GSK3B: variants seen among roughly 807,000 people sequenced by gnomAD.
The protein encoded by GSK3B is glycogen synthase kinase-3 beta.
GSK3B carries 15 observed loss-of-function variants against 56.4 expected under a neutral mutation model. The observed-to-expected ratio is 0.27, with a 90% CI of 0.18 to 0.41. The LOEUF (loss-of-function observed/expected upper bound fraction) is 0.41. GSK3B is among the 10% of genes least tolerant of loss of function. The pLI, the probability that GSK3B is intolerant of heterozygous loss-of-function variation, is 1.00. For missense variants in GSK3B, 300 were observed against 513.4 expected (o/e 0.58, Z 4.02); for synonymous variants, 181 against 188.9 (o/e 0.96, Z 0.34).
intron 7 of GSK3B, among the ~76,000 whole-genome samples, chr3:119,902,257 T>C (rs11929468): frequency 0.02 from 3,030 of 152,262 alleles, 92 homozygotes; most frequent in African/African-American, 0.067. Context: ...CTAGAATAGC[T>C]AGATCAGCAT....
chr3:119,938,776 A>G (rs549060823), intron 3 of GSK3B, among the ~76,000 whole-genome samples: 1 of 152,198 alleles, frequency 6.6e-6, no homozygotes, highest in Admixed American at 6.5e-5. Flanking sequence ...TAATACCTAT[A>G]ATAAATCTTA....
intron 2 of GSK3B, among the ~76,000 whole-genome samples, chr3:119,951,612 T>C (rs577093613): frequency 6.6e-6 from 1 of 152,140 alleles, no homozygotes; most frequent in South Asian, 2.1e-4. Flanking sequence ...TATTATATAA[T>C]ATGTTCAATT....
chr3:119,929,210 C>G (rs1034042270), intron 3 of GSK3B, among the ~76,000 whole-genome samples: 2 of 152,016 alleles, frequency 1.3e-5, no homozygotes, highest in Admixed American at 6.6e-5. Context: ...ATAAAGAGAA[C>G]AAATTAACAG....
intron 9 of GSK3B, among the ~76,000 whole-genome samples, chr3:119,851,013 T>G (rs1353163292): frequency 6.6e-6 from 1 of 152,010 alleles, no homozygotes; most frequent in Non-Finnish European, 1.5e-5. Context: ...TTAGAAAAAT[T>G]AATGTGATAA....
At chr3:119,922,732 T>C (rs1332093941) in intron 4 of GSK3B, among the ~76,000 whole-genome samples, 1 of 152,046 alleles carries the variant, frequency 6.6e-6, no homozygotes, top group Non-Finnish European at 1.5e-5. Context: ...TGTATTTAGA[T>C]ATGTGAACTT....
At chr3:119,837,711 T>G (rs958326348) in intron 10 of GSK3B, among the ~76,000 whole-genome samples, 6 of 151,846 alleles carry the variant, frequency 4.0e-5, no homozygotes, top group Non-Finnish European at 8.8e-5. Flanking sequence ...CATCTCACAT[T>G]CAACTCATCT....
At chr3:119,900,541 T>C (rs2056614599) in intron 7 of GSK3B, among the ~76,000 whole-genome samples, 1 of 152,082 alleles carries the variant, frequency 6.6e-6, no homozygotes, top group African/African-American at 2.4e-5. Flanking sequence ...AGGGGAGAAA[T>C]TATTAGTAAA....
rs1302726527 is a variant in GSK3B at position 119,983,134 on chromosome 3, C to T, written c.282+18912G>A. Reference sequence around the variant, plus strand: ...TTCATAAGTGAAGGAGAAATAAAATCCTTTACAGACAAGCAAATGCTGAGA... The same window carrying T: ...TTCATAAGTGAAGGAGAAATAAAATTCTTTACAGACAAGCAAATGCTGAGA... On this transcript the variant is annotated intron_variant, in intron 2 of 10. Transcript: ENST00000264235. Among the ~76,000 whole-genome samples, 8 of 152,166 alleles carry T rather than the reference C, an allele frequency of 5.3e-5. No individual in the cohort carries two copies. In the East Asian group the frequency reaches 1.5e-3, roughly 29 times the overall value.
At position 119,945,100 on chromosome 3, in the gene GSK3B, A is replaced by G. The variant is rs182763037; in HGVS notation, c.366+2168T>C. 1.7e-3 allele frequency among the ~76,000 whole-genome samples: 263 copies of G among 152,332 alleles called. 6 individuals carry two copies. In the South Asian group the frequency reaches 0.025, roughly 14 times the overall value. On this transcript the variant is annotated intron_variant, in intron 3 of 10. Transcript: ENST00000264235. Reference sequence around the variant, plus strand: ...CCAGAACAATTCAGAAGTGGAGATCATGAATGGGGCAAAAAGAAATTCTCT... The same window carrying G: ...CCAGAACAATTCAGAAGTGGAGATCGTGAATGGGGCAAAAAGAAATTCTCT...
chr3:120,088,353 A>G (rs1559908632), intron 1 of GSK3B, among the ~76,000 whole-genome samples: 1 of 152,222 alleles, frequency 6.6e-6, no homozygotes, highest in Non-Finnish European at 1.5e-5. Context: ...TTTTATATAA[A>G]TTTAAAGGCA....
chr3:119,973,460 C>T (rs561060707), intron 2 of GSK3B, among the ~76,000 whole-genome samples: 9 of 152,138 alleles, frequency 5.9e-5, no homozygotes, highest in Non-Finnish European at 1.0e-4. Context: ...ATTATTATGG[C>T]TCACTGATCT....
At chr3:120,066,083 G>A (rs1433994008) in intron 1 of GSK3B, among the ~76,000 whole-genome samples, 6 of 152,094 alleles carry the variant, frequency 3.9e-5, no homozygotes, top group Non-Finnish European at 8.8e-5. Flanking sequence ...CTTTAAAATC[G>A]TTCAAGTAGT....
intron 2 of GSK3B, among the ~76,000 whole-genome samples, chr3:119,962,776 T>C (rs559108796): frequency 6.6e-6 from 1 of 152,308 alleles, no homozygotes; most frequent in South Asian, 2.1e-4. Context: ...AGAAGACTAT[T>C]TTTCCACGGA....
chr3:120,041,257 TG>T, intron 1 of GSK3B: 1 of 253,096 alleles, frequency 4.0e-6, no homozygotes, highest in Non-Finnish European at 8.2e-6. Flanking sequence ...TCCAAGCAGC[TG>T]GGCATCCCTG....
At chr3:119,897,731 A>G (rs981723199) in intron 7 of GSK3B, among the ~76,000 whole-genome samples, 3 of 150,234 alleles carry the variant, frequency 2.0e-5, no homozygotes, top group Non-Finnish European at 4.4e-5. Flanking sequence ...AACTAACACA[A>G]TCAGTCAGTC....
Position 119,825,202 on chromosome 3 carries a change from G to A in GSK3B, c.*1586C>T, listed in dbSNP as rs755934268. ...TCAAGTAATGGCCCATAAGCACCAA[G>A]GTGACTAAAGTTCATTTTAGAGTAT... On this transcript the variant is annotated 3_prime_UTR_variant, in exon 11 of 11. Transcript: ENST00000264235. 1.8e-5 allele frequency: 4 copies of A among 224,666 alleles called. No individual in the cohort carries two copies. The highest frequency in any genetic ancestry group is 5.7e-5 in the Admixed American group (1 of 17,442). 13.9% of individuals were successfully genotyped at this position (224,666 alleles called of 1,614,324 possible).
chr3:119,886,671 A>C (rs896241442), intron 7 of GSK3B, among the ~76,000 whole-genome samples: 2 of 152,148 alleles, frequency 1.3e-5, no homozygotes, highest in African/African-American at 4.8e-5. Context: ...GTACATATAC[A>C]CCATAGAATA....
At chr3:119,907,943 T>C (rs983132356) in intron 6 of GSK3B, among the ~76,000 whole-genome samples, 3 of 152,338 alleles carry the variant, frequency 2.0e-5, no homozygotes, top group African/African-American at 7.2e-5. Context: ...TTTGTTCTCA[T>C]TCTGCCATTT....
At chr3:120,049,255 C>G (rs557661409) in intron 1 of GSK3B, among the ~76,000 whole-genome samples, 1 of 152,282 alleles carries the variant, frequency 6.6e-6, no homozygotes, top group South Asian at 2.1e-4. Flanking sequence ...AACACAAAAG[C>G]AATCCATTTA....
Sources: allele counts gnomAD v4.1 joint callset (sites outside exome capture counted in the v4.1 genomes callset), GRCh38; gene constraint gnomAD v4.1.1; transcripts MANE v1.5; gene names NCBI Gene and HGNC (gene_info 2026-07-23, HGNC 2026-07-21).